The following WIPF3 variants were observed in gnomAD, a reference collection of about 807,000 sequenced individuals.
WIPF3 encodes the protein WAS/WASL interacting protein family member 3, also known as WAS/WASL-interacting protein family member 3.
Under a neutral mutation model 38.9 loss-of-function variants are expected in WIPF3, and 33 were observed. That is an observed-to-expected ratio of 0.85 (90% CI 0.64 to 1.14). WIPF3 has a LOEUF of 1.14. WIPF3 is among the 50% of genes most tolerant of loss of function. WIPF3 has a pLI of 0.00. For missense variants in WIPF3, 711 were observed against 652.5 expected (o/e 1.09, Z -0.98); for synonymous variants, 324 against 269.3 (o/e 1.20, Z -1.99).
chr7:29,890,976 A>AACACAGGCCTTCCCTGTGCTCAGGTCGG (rs1786003195), intron 7 of WIPF3, among the ~76,000 whole-genome samples: 1 of 57,822 alleles, frequency 1.7e-5, no homozygotes, highest in African/African-American at 7.2e-5. Flanking sequence ...GCTCAGGTGG[A>AACACAGGCCTTCCCTGTGCTCAGGTCGG]GGGGGCGAGG....
At chr7:29,892,777 A>C (rs1449146380) in intron 7 of WIPF3, among the ~76,000 whole-genome samples, 1 of 152,188 alleles carries the variant, frequency 6.6e-6, no homozygotes, top group African/African-American at 2.4e-5. Context: ...GGAGGTAGAG[A>C]CCAGGGTCAG....
At chr7:29,808,178 G>A (rs1053547244) in intron 1 of WIPF3, among the ~76,000 whole-genome samples, 1 of 152,192 alleles carries the variant, frequency 6.6e-6, no homozygotes, top group Non-Finnish European at 1.5e-5. Context: ...AAATAAAAAT[G>A]TGATGCTAAA....
intron 6 of WIPF3, among the ~76,000 whole-genome samples, chr7:29,888,494 CGTGTGCGTGT>C (rs1036706866): frequency 7.1e-6 from 1 of 141,088 alleles, no homozygotes; most frequent in African/African-American, 2.7e-5. Context: ...AGTGTGTGTG[CGTGTGCGTGT>C]GTGTGCGTGT....
At chr7:29,883,778 G>C (rs887459883) in intron 4 of WIPF3, 72 bp from the exon 5 acceptor site, 101 of 1,495,808 alleles carry the variant, frequency 6.8e-5, no homozygotes, top group Admixed American at 4.8e-5. Context: ...TGAGTGTCCT[G>C]AGTGCCGCCT....
chr7:29,871,315 C>T (rs747608468), intron 2 of WIPF3, among the ~76,000 whole-genome samples: 3 of 152,148 alleles, frequency 2.0e-5, no homozygotes, highest in Admixed American at 6.5e-5. Flanking sequence ...TGGCTGCTGA[C>T]GCCTGTCTGC....
intron 1 of WIPF3, among the ~76,000 whole-genome samples, chr7:29,817,151 A>G (rs1784468833): frequency 6.6e-6 from 1 of 152,142 alleles, no homozygotes; most frequent in African/African-American, 2.4e-5. Context: ...ATGTTTCCTT[A>G]TGTGTGAACT....
At chr7:29,850,940 A>T (rs1181264403) in intron 2 of WIPF3, among the ~76,000 whole-genome samples, 1 of 152,166 alleles carries the variant, frequency 6.6e-6, no homozygotes, top group Non-Finnish European at 1.5e-5. Flanking sequence ...TAATACCTTT[A>T]TGGGGTTGTA....
Position 29,883,863 on chromosome 7 carries a change from G to T in WIPF3, c.369G>T (p.Gly123=), listed in dbSNP as rs1785774373. 3 of 1,552,950 alleles carry T rather than the reference G, an allele frequency of 1.9e-6. No homozygotes were observed. Among genetic ancestry groups the T allele is most frequent in the South Asian group, 2.5e-5 (2 of 81,542 alleles). Residue 123 remains glycine (G), a synonymous_variant, in exon 5 of 9, where the codon GGG becomes GGT. Transcript: ENST00000242140. ...GQRDVAGGKT[G]QGPGSRAPSP... The stretch of plus-strand genomic sequence containing the variant: ...TTTCACTTCCAGGTGGCAAGACAGG[G>T]CAGGGCCCTGGCTCCCGCGCGCCCT...
chr7:29,892,350 G>C (rs1378359632), intron 7 of WIPF3, among the ~76,000 whole-genome samples: 2 of 152,186 alleles, frequency 1.3e-5, no homozygotes, highest in Admixed American at 1.3e-4. Flanking sequence ...CAGGCTGCAC[G>C]GGGCTGCCTG....
At chr7:29,852,396 TC>T (rs1785116639) in intron 2 of WIPF3, among the ~76,000 whole-genome samples, 1 of 152,190 alleles carries the variant, frequency 6.6e-6, no homozygotes, top group African/African-American at 2.4e-5. Context: ...CACATCAGCT[TC>T]CTAAGGAGGA....
chr7:29,884,712 A>G, intron 5 of WIPF3, 119 bp downstream of exon 5: 1 of 1,395,618 alleles, frequency 7.2e-7, no homozygotes, highest in Non-Finnish European at 9.4e-7. Context: ...TGAGGGAGGC[A>G]GAGAGACTTG....
chr7:29,815,549 C>G (rs1365572769), intron 1 of WIPF3, among the ~76,000 whole-genome samples: 1 of 152,114 alleles, frequency 6.6e-6, no homozygotes, highest in Non-Finnish European at 1.5e-5. Context: ...AAAAGACGAG[C>G]CAAGATACCT....
chr7:29,880,745 T>A (rs142531247), intron 4 of WIPF3, among the ~76,000 whole-genome samples: 71 of 151,964 alleles, frequency 4.7e-4, no homozygotes, highest in African/African-American at 1.7e-3. Flanking sequence ...GAGATGGAGG[T>A]CCATAAGGAA....
chr7:29,845,066 C>T (rs1296421674), intron 2 of WIPF3, among the ~76,000 whole-genome samples: 3 of 149,038 alleles, frequency 2.0e-5, no homozygotes, highest in African/African-American at 7.4e-5. Context: ...CATTGTTTTC[C>T]CCACTTGCTT....
intron 4 of WIPF3, among the ~76,000 whole-genome samples, chr7:29,881,025 C>T (rs1300088341): frequency 1.3e-5 from 2 of 152,126 alleles, no homozygotes; most frequent in East Asian, 3.9e-4. Context: ...TGCCACTGGG[C>T]GCTTGCACCG....
At chr7:29,859,088 G>C (rs1444870568) in intron 2 of WIPF3, among the ~76,000 whole-genome samples, 1 of 152,188 alleles carries the variant, frequency 6.6e-6, no homozygotes, top group Non-Finnish European at 1.5e-5. Context: ...TTCTTAGGGA[G>C]GGAGCTGTTT....
chr7:29,885,484 A>G (rs1199327602), intron 5 of WIPF3, among the ~76,000 whole-genome samples: 1 of 152,210 alleles, frequency 6.6e-6, no homozygotes, highest in Non-Finnish European at 1.5e-5. Flanking sequence ...TGACTTAAAA[A>G]TAACGCAAGC....
intron 2 of WIPF3, among the ~76,000 whole-genome samples, chr7:29,855,864 T>G (rs1436287206): frequency 6.6e-6 from 1 of 152,252 alleles, no homozygotes; most frequent in African/African-American, 2.4e-5. Context: ...GACACCCTGT[T>G]AAACTTGAAT....
At position 29,883,853 on chromosome 7, in the gene WIPF3, G is replaced by T. The variant is rs1315682572; in HGVS notation, c.359G>T (p.Gly120Val). ...CCAGAATCTCTTTCACTTCCAGGTGGCAAGACAGGGCAGGGCCCTGGCTCC... is the reference window on the plus strand; with the variant it reads ...CCAGAATCTCTTTCACTTCCAGGTGTCAAGACAGGGCAGGGCCCTGGCTCC... ...RPAGQRDVAG[G>V]KTGQGPGSRA... The change falls in exon 5 of 9, where the codon GGC (glycine) becomes GTC (valine). Residue 120 changes from glycine (G) to valine (V), a missense_variant. Gly to Val is a moderately radical substitution (Grantham distance 109). Coordinates refer to ENST00000242140, the MANE Select transcript of WIPF3 (RefSeq NM_001080529.3). 1 of 1,527,270 alleles carries T rather than the reference G, an allele frequency of 6.5e-7. No individual in the cohort carries two copies. The highest frequency in any genetic ancestry group is 8.8e-7 in the Non-Finnish European group (1 of 1,135,180). 94.6% of individuals were successfully genotyped at this position (1,527,270 alleles called of 1,614,324 possible).
Sources: allele counts gnomAD v4.1 joint callset (sites outside exome capture counted in the v4.1 genomes callset), GRCh38; gene constraint gnomAD v4.1.1; transcripts MANE v1.5; gene names NCBI Gene and HGNC (gene_info 2026-07-23, HGNC 2026-07-21).